Variants in FBXO17 observed in about 807,000 individuals in gnomAD.
FBXO17 encodes the protein F-box protein 17.
A neutral mutation model predicts 34.1 loss-of-function variants in FBXO17; 43 were observed. The observed-to-expected ratio is 1.26, with a 90% CI of 0.99 to 1.62. The LOEUF (loss-of-function observed/expected upper bound fraction) is 1.62, where lower values mean the gene tolerates loss of function less well. Among genes scored for constraint, FBXO17 ranks in the 40% most tolerant of loss-of-function variants. FBXO17 has a pLI of 0.00. For missense variants in FBXO17, 424 were observed against 386.7 expected (o/e 1.10, Z -0.81); for synonymous variants, 169 against 166.0 (o/e 1.02, Z -0.14).
intron 3 of FBXO17, among the ~76,000 whole-genome samples, chr19:38,948,255 C>T (rs1164318368): frequency 1.3e-5 from 2 of 149,534 alleles, no homozygotes. Flanking sequence ...GGATTACAGG[C>T]GAGAGCCACC....
chr19:38,963,819 T>C (rs1175329355), intron 1 of FBXO17, among the ~76,000 whole-genome samples: 1 of 151,930 alleles, frequency 6.6e-6, no homozygotes, highest in Non-Finnish European at 1.5e-5. Context: ...AGTCTTGTTC[T>C]ATCACCAAGG....
At chr19:38,959,320 C>A (rs1975215101) in intron 1 of FBXO17, among the ~76,000 whole-genome samples, 1 of 150,824 alleles carries the variant, frequency 6.6e-6, no homozygotes, top group African/African-American at 2.4e-5. Context: ...CCTCTGTTGC[C>A]CAGGCTGGAG....
At chr19:38,949,116 T>A (rs1183018471) in intron 2 of FBXO17, among the ~76,000 whole-genome samples, 1 of 151,942 alleles carries the variant, frequency 6.6e-6, no homozygotes, top group Non-Finnish European at 1.5e-5. Context: ...TTAATTTTTT[T>A]TTGAGATGGA....
At chr19:38,949,642 C>T (rs1189204455) in intron 2 of FBXO17, among the ~76,000 whole-genome samples, 2 of 152,188 alleles carry the variant, frequency 1.3e-5, no homozygotes, top group African/African-American at 4.8e-5. Flanking sequence ...GATCCTCCTG[C>T]CTTGGCCTCC....
In FBXO17 at chr19:38,945,097, C is replaced by G. The variant is rs1039081740; in HGVS notation, c.565G>C (p.Ala189Pro). Residue 189 changes from alanine to proline, a missense_variant, in exon 5 of 6, where the codon GCT (alanine) becomes CCT (proline). Transcript: ENST00000292852. ...IEICVADWWG[A>P]RENCGCVYQL... ...TAGACGCAGCCGCAGTTCTCTCGAG[C>G]GCCCCACCTGCCAGGCAGCAGTCAG... The G allele has an allele frequency of 5.0e-6, 8 of 1,613,938 alleles. No homozygotes were observed. The African/African-American group carries it at 9.3e-5, about 19-fold the overall frequency.
At chr19:38,946,419 A>G (rs1158106586) in intron 4 of FBXO17, 53 bp downstream of exon 4, 1 of 1,610,364 alleles carries the variant, frequency 6.2e-7, no homozygotes. Context: ...CCTGTTGCAG[A>G]GCCGCTGCCA....
At chr19:38,952,350 G>C (rs2144820436) in intron 1 of FBXO17, among the ~76,000 whole-genome samples, 1 of 152,298 alleles carries the variant, frequency 6.6e-6, no homozygotes, top group South Asian at 2.1e-4. Context: ...ACCCCAATGT[G>C]TGCCAGCTAC....
At chr19:38,951,605 C>A (rs1975084564) in intron 1 of FBXO17, among the ~76,000 whole-genome samples, 1 of 150,856 alleles carries the variant, frequency 6.6e-6, no homozygotes, top group Non-Finnish European at 1.5e-5. Context: ...TCCAAATAAA[C>A]TTGCTTTTCC....
intron 4 of FBXO17, 61 bp downstream of exon 4, chr19:38,946,409 CCT>C (rs1974983456): frequency 1.2e-6 from 2 of 1,607,238 alleles, no homozygotes; most frequent in South Asian, 1.1e-5. Flanking sequence ...GAAATGAGCC[CCT>C]GTTGCAGAGC....
At chr19:38,955,122 G>A (rs1600195994) in intron 1 of FBXO17, among the ~76,000 whole-genome samples, 1 of 150,678 alleles carries the variant, frequency 6.6e-6, no homozygotes, top group Non-Finnish European at 1.5e-5. Context: ...TAGTAGAGAC[G>A]GGGTTTCACC....
intron 1 of FBXO17, among the ~76,000 whole-genome samples, chr19:38,968,217 G>A (rs1198882167): frequency 6.6e-6 from 1 of 152,000 alleles, no homozygotes; most frequent in Non-Finnish European, 1.5e-5. Flanking sequence ...TACTCGGGAG[G>A]CTAAGGCAGG....
At chr19:38,943,633 A>C (rs768097957) in intron 5 of FBXO17, among the ~76,000 whole-genome samples, 7 of 152,096 alleles carry the variant, frequency 4.6e-5, no homozygotes, top group Non-Finnish European at 1.0e-4. Context: ...TCCATCGCCC[A>C]GGCTGGAGTG....
In FBXO17 at chr19:38,959,284, T is replaced by TG. The variant is rs1568443441; in HGVS notation, c.-17-8949_-17-8948insC. Reference sequence around the variant, plus strand: ...CTGTCTTTCTTTCTTTCTTTCTTTCTTTTTTTTTTTTTGAGACAGAGTCTT... The same window carrying TG: ...CTGTCTTTCTTTCTTTCTTTCTTTCTGTTTTTTTTTTTTGAGACAGAGTCTT... On this transcript the variant is annotated intron_variant, in intron 1 of 5. Coordinates refer to ENST00000292852, the MANE Select transcript of FBXO17 (RefSeq NM_024907.7). 5.0e-4 allele frequency among the ~76,000 whole-genome samples: 5 copies of TG among 10,028 alleles called. No homozygotes were observed. The African/African-American group carries it at 7.7e-3, about 15-fold the overall frequency. 6.6% of individuals were successfully genotyped at this position (10,028 alleles called of 152,430 possible).
intron 1 of FBXO17, among the ~76,000 whole-genome samples, chr19:38,965,466 T>G (rs1283369062): frequency 6.6e-6 from 1 of 152,046 alleles, no homozygotes; most frequent in Non-Finnish European, 1.5e-5. Context: ...TAACTGGGAC[T>G]ACAGGCGCCC....
At position 38,945,034 on chromosome 19, in the gene FBXO17, C is replaced by T. The variant is rs200158223; in HGVS notation, c.628G>A (p.Glu210Lys). The T allele has an allele frequency of 3.3e-5, 53 of 1,614,232 alleles. No individual in the cohort carries two copies. The East Asian group carries it at 9.6e-4, about 29-fold the overall frequency. ...GGTGAGGCTGAGAACTTGACCACTT[C>T]CTTTTCATACACATCCAGAAGGCGG... ...RVRLLDVYEK[E>K]VVKFSASPDP... Residue 210 changes from glutamate to lysine, a missense_variant, in exon 5 of 6, where the codon GAA (glutamate) becomes AAA (lysine). Transcript: ENST00000292852.
intron 1 of FBXO17, 83 bp from the exon 2 acceptor site, chr19:38,950,419 C>T (rs1975066068): frequency 2.9e-6 from 4 of 1,379,966 alleles, no homozygotes; most frequent in Admixed American, 3.6e-5. Context: ...CGCAAGGCCC[C>T]TGCTGCTCGA....
chr19:38,952,045 G>C (rs1975093521), intron 1 of FBXO17, among the ~76,000 whole-genome samples: 2 of 151,862 alleles, frequency 1.3e-5, no homozygotes, highest in African/African-American at 4.8e-5. Context: ...CCGCCTCCCG[G>C]GTTCAAGCGA....
chr19:38,952,669 C>T lies in FBXO17; in HGVS notation c.-17-2333G>A. The T allele has an allele frequency of 1.3e-5, 7 of 532,568 alleles. No homozygotes were observed. The Admixed American group carries it at 1.4e-4, about 10-fold the overall frequency. The allele number at this position is 532,568 out of a possible 1,614,324, so 33.0% of individuals were successfully genotyped here. ...CGGCCGCTCCCGCTGCTCTTAGCATCATTCTCAGTGATTTCTATAACCAGA... is the reference window on the plus strand; with the variant it reads ...CGGCCGCTCCCGCTGCTCTTAGCATTATTCTCAGTGATTTCTATAACCAGA... On this transcript the variant is annotated intron_variant, in intron 1 of 5. Coordinates refer to ENST00000292852, the MANE Select transcript of FBXO17 (RefSeq NM_024907.7).
At chr19:38,958,199 G>A (rs1274613912) in intron 1 of FBXO17, among the ~76,000 whole-genome samples, 1 of 151,684 alleles carries the variant, frequency 6.6e-6, no homozygotes, top group Non-Finnish European at 1.5e-5. Context: ...ATCACCTGAG[G>A]TTAGGGGTTT....
Sources: gnomAD v4.1 joint callset for allele counts (sites outside exome capture counted in the v4.1 genomes callset) on GRCh38, gnomAD v4.1.1 for gene constraint, MANE v1.5 for transcripts, NCBI Gene and HGNC (gene_info 2026-07-23, HGNC 2026-07-21) for gene names.